Variants in OR5AS1 observed in about 807,000 individuals in gnomAD.
OR5AS1 encodes the protein olfactory receptor family 5 subfamily AS member 1, also known as olfactory receptor 5AS1.
For missense variants in OR5AS1, 492 were observed against 378.2 expected (o/e 1.30, Z -2.50); for synonymous variants, 196 against 141.7 (o/e 1.38, Z -2.72).
In OR5AS1 at chr11:56,031,642, C is replaced by T. The variant is rs868406474; in HGVS notation, c.*249C>T. Reference sequence around the variant, plus strand: ...CTTTGTACATTGATTCTGTTCTTTACGATGTTGTATTGAAGGTAAATATTG... The same window carrying T: ...CTTTGTACATTGATTCTGTTCTTTATGATGTTGTATTGAAGGTAAATATTG... On this transcript the variant is annotated 3_prime_UTR_variant, in exon 2 of 2. Transcript: ENST00000641320. 3.8e-5 allele frequency: 11 copies of T among 292,784 alleles called. No homozygotes were observed. Among genetic ancestry groups the T allele is most frequent in the Middle Eastern group, 1.1e-3 (1 of 934 alleles). 18.1% of individuals were successfully genotyped at this position (292,784 alleles called of 1,614,324 possible).
Position 56,031,238 on chromosome 11 carries a change from G to A in OR5AS1, c.820G>A (p.Val274Met), listed in dbSNP as rs1328324906. 2 of 1,613,672 alleles carry A rather than the reference G, an allele frequency of 1.2e-6. No individual in the cohort carries two copies. The highest frequency in any genetic ancestry group is 2.7e-5 in the African/African-American group (2 of 74,932). ...CTATTCCCTAGACACTGATAAGGTG[G>A]TGGCAGTGTTTTATACTGTTGTATT... ...TSYSLDTDKV[V>M]AVFYTVVFPM... The change falls in exon 2 of 2, where the codon GTG (valine) becomes ATG (methionine). Residue 274 changes from valine to methionine, a missense_variant. Coordinates refer to ENST00000641320, the MANE Select transcript of OR5AS1 (RefSeq NM_001001921.2).
Position 56,030,457 on chromosome 11 carries a change from A to C in OR5AS1, c.39A>C (p.Leu13=). The change falls in exon 2 of 2, where the codon CTA becomes CTC. Residue 13 remains leucine (L), a synonymous_variant. Transcript: ENST00000641320. ...ATTACACCATGCCAACTGAGTTCCT[A>C]TTTGTTGGATTCACAGATTATCTAC... ...ESNYTMPTEF[L]FVGFTDYLPL... is the part of the protein sequence containing the mutation. 1 of 1,494,672 alleles carries C rather than the reference A, an allele frequency of 6.7e-7. No homozygotes were observed. 92.6% of individuals were successfully genotyped at this position (1,494,672 alleles called of 1,614,324 possible).
Position 56,034,304 on chromosome 11 carries a change from C to T in OR5AS1, c.*2911C>T, listed in dbSNP as rs1049628181. The T allele has an allele frequency of 2.7e-5, 4 of 150,864 alleles. No individual in the cohort carries two copies. Among genetic ancestry groups the T allele is most frequent in the Admixed American group, 1.3e-4 (2 of 15,160 alleles). 9.3% of individuals were successfully genotyped at this position (150,864 alleles called of 1,614,324 possible). A position where few individuals can be genotyped will look rare whatever the true frequency, so the allele number is the denominator to read the frequency against. On this transcript the variant is annotated 3_prime_UTR_variant, in exon 2 of 2. Transcript: ENST00000641320. ...AACAAATAGAAGAATTGGGTAATAT[C>T]AAACTCCTCTGAGCTAAAGGAGCAT...
rs1259336841 is a variant in OR5AS1 at position 56,032,526 on chromosome 11, T to G, written c.*1133T>G. 4 of 152,128 alleles carry G rather than the reference T, an allele frequency of 2.6e-5. No homozygotes were observed. Among genetic ancestry groups the G allele is most frequent in the Non-Finnish European group, 5.9e-5 (4 of 68,034 alleles). The allele number at this position is 152,128 out of a possible 1,614,324, so 9.4% of individuals were successfully genotyped here. A position where few individuals can be genotyped will look rare whatever the true frequency, so the allele number is the denominator to read the frequency against. ...CATGTACATGTGAAATAAAAAAGTG[T>G]GCATTTTGTAATAATTATGAAAATA... On this transcript the variant is annotated 3_prime_UTR_variant, in exon 2 of 2. Transcript: ENST00000641320.
rs1468663693 is a variant in OR5AS1, at chr11:56,036,059, A to C, written c.*4666A>C. The stretch of plus-strand genomic sequence containing the variant: ...TGGGTAAATAATGAAAATAAAGCAG[A>C]AATAAATAAGTTATTTGAAACCAAT... On this transcript the variant is annotated 3_prime_UTR_variant, in exon 2 of 2. Coordinates refer to ENST00000641320, the MANE Select transcript of OR5AS1 (RefSeq NM_001001921.2). The C allele has an allele frequency of 6.6e-6, 1 of 152,152 alleles. No homozygotes were observed. Among genetic ancestry groups the C allele is most frequent in the East Asian group, 1.9e-4 (1 of 5,202 alleles). The allele number at this position is 152,152 out of a possible 1,614,324, so 9.4% of individuals were successfully genotyped here. A position where few individuals can be genotyped will look rare whatever the true frequency, so the allele number is the denominator to read the frequency against.
At position 56,030,938 on chromosome 11, in the gene OR5AS1, GTCAA is replaced by G. The variant is rs768230230; in HGVS notation, c.524_527del (p.Asn175IlefsTer38). ...GCTGTCATTTTGTGGCTCCAATATC[GTCAA>G]TCATTTTTTCTGTGATATCCCACCT... On this transcript the variant is annotated frameshift_variant, in exon 2 of 2. Transcript: ENST00000641320. LOFTEE classifies it low-confidence loss of function (END_TRUNC). 1.2e-6 allele frequency: 2 copies of G among 1,613,956 alleles called. No individual in the cohort carries two copies. Among genetic ancestry groups the G allele is most frequent in the South Asian group, 1.1e-5 (1 of 91,086 alleles).
chr11:56,037,394 T>C lies in OR5AS1; in HGVS notation c.*6001T>C, dbSNP rs1278351111. 6.6e-6 allele frequency: 1 copy of C among 152,128 alleles called. No individual in the cohort carries two copies. The highest frequency in any genetic ancestry group is 1.5e-5 in the Non-Finnish European group (1 of 68,048). 9.4% of individuals were successfully genotyped at this position (152,128 alleles called of 1,614,324 possible). On this transcript the variant is annotated 3_prime_UTR_variant, in exon 2 of 2. Transcript: ENST00000641320. ...GTCTCAGGCCAAAATCTCCTTAAGCTGATAAGCAACTTCAGCAAAATGTCA... is the reference window on the plus strand; with the variant it reads ...GTCTCAGGCCAAAATCTCCTTAAGCCGATAAGCAACTTCAGCAAAATGTCA...
rs938293150 is a variant in OR5AS1, at chr11:56,031,550, C to T, written c.*157C>T. 7.1e-6 allele frequency: 4 copies of T among 561,560 alleles called. No individual in the cohort carries two copies. Among genetic ancestry groups the T allele is most frequent in the Non-Finnish European group, 1.2e-5 (4 of 320,994 alleles). 34.8% of individuals were successfully genotyped at this position (561,560 alleles called of 1,614,324 possible). On this transcript the variant is annotated 3_prime_UTR_variant, in exon 2 of 2. Transcript: ENST00000641320. Reference sequence around the variant, plus strand: ...TTCCAAAAATGTTCTCTCCACAATTCTACTCTATAAAACATTACCTAATTA... The same window carrying T: ...TTCCAAAAATGTTCTCTCCACAATTTTACTCTATAAAACATTACCTAATTA...
rs61890011 is a variant in OR5AS1, at chr11:56,034,875, C to G, written c.*3482C>G. ...GTGTTAAGGACAGCCAGAGAGAAAG[C>G]TCACATTACCCACAAAGGGAAGCCC... is the stretch of plus-strand genomic sequence containing the variant. On this transcript the variant is annotated 3_prime_UTR_variant, in exon 2 of 2. Coordinates refer to ENST00000641320, the MANE Select transcript of OR5AS1 (RefSeq NM_001001921.2). The G allele has an allele frequency of 0.06, 9,162 of 152,124 alleles. 381 individuals carry two copies. Among genetic ancestry groups the G allele is most frequent in the Non-Finnish European group, 0.084 (5,724 of 68,002 alleles). 9.4% of individuals were successfully genotyped at this position (152,124 alleles called of 1,614,324 possible).
Position 56,037,750 on chromosome 11 carries a change from TAG to T in OR5AS1, c.*6359_*6360del, listed in dbSNP as rs1853423013. 2 of 5,668 alleles carry T rather than the reference TAG, an allele frequency of 3.5e-4. No individual in the cohort carries two copies. The highest frequency in any genetic ancestry group is 8.4e-4 in the Non-Finnish European group (2 of 2,374). 0.4% of individuals were successfully genotyped at this position (5,668 alleles called of 1,614,324 possible). A position where few individuals can be genotyped will look rare whatever the true frequency, so the allele number is the denominator to read the frequency against. ...CTATCATTGAATTTCTTCACAGAAT[TAG>T]AAAAAAAAAAAAACTACTTTAAATT... is the stretch of plus-strand genomic sequence containing the variant. On this transcript the variant is annotated 3_prime_UTR_variant, in exon 2 of 2. Coordinates refer to ENST00000641320, the MANE Select transcript of OR5AS1 (RefSeq NM_001001921.2).
rs935493465 is a variant in OR5AS1, at chr11:56,037,253, T to C, written c.*5860T>C. The C allele has an allele frequency of 6.6e-6, 1 of 152,204 alleles. No individual in the cohort carries two copies. The allele number at this position is 152,204 out of a possible 1,614,324, so 9.4% of individuals were successfully genotyped here. On this transcript the variant is annotated 3_prime_UTR_variant, in exon 2 of 2. Transcript: ENST00000641320. ...CTCCTATTCAACATAGTATTGAAAG[T>C]GCTGGCCAGGGCAATCAGGCAAGAT...
intron 1 of OR5AS1, among the ~76,000 whole-genome samples, chr11:56,029,574 CAAAT>C (rs1853327246): frequency 6.6e-6 from 1 of 151,120 alleles, no homozygotes; most frequent in Admixed American, 6.6e-5. Flanking sequence ...CAACAGAAAA[CAAAT>C]AATGCATCTA....
At position 56,033,007 on chromosome 11, in the gene OR5AS1, C is replaced by T. The variant is rs117880187; in HGVS notation, c.*1614C>T. ...AAGCAGGGTGGGGTGTTGCTTCACC[C>T]GGGAAGCACAAAGGGTTGGCAAACT... On this transcript the variant is annotated 3_prime_UTR_variant, in exon 2 of 2. Transcript: ENST00000641320. 0.06 allele frequency: 9,190 copies of T among 152,740 alleles called. 381 individuals carry two copies. Among genetic ancestry groups the T allele is most frequent in the Non-Finnish European group, 0.084 (5,753 of 68,538 alleles). 9.5% of individuals were successfully genotyped at this position (152,740 alleles called of 1,614,324 possible). A position where few individuals can be genotyped will look rare whatever the true frequency, so the allele number is the denominator to read the frequency against.
In OR5AS1 at chr11:56,030,898, G is replaced by A. The variant is rs762323326; in HGVS notation, c.480G>A (p.Val160=). 11 of 1,613,954 alleles carry A rather than the reference G, an allele frequency of 6.8e-6. No individual in the cohort carries two copies. Among genetic ancestry groups the A allele is most frequent in the Non-Finnish European group, 9.3e-6 (11 of 1,180,016 alleles). The part of the protein sequence containing the change: ...FSGSTTSLVH[V]CLTFRLSFCG... ...GAAGTACAACATCACTGGTCCATGT[G>A]TGCCTCACATTCAGGCTGTCATTTT... Residue 160 remains valine, a synonymous_variant, in exon 2 of 2, where the codon GTG becomes GTA. Coordinates refer to ENST00000641320, the MANE Select transcript of OR5AS1 (RefSeq NM_001001921.2).
rs955016790 is a variant in OR5AS1, at chr11:56,036,439, A to T, written c.*5046A>T. 6.6e-6 allele frequency: 1 copy of T among 152,164 alleles called. No individual in the cohort carries two copies. The highest frequency in any genetic ancestry group is 2.4e-5 in the African/African-American group (1 of 41,400). 9.4% of individuals were successfully genotyped at this position (152,164 alleles called of 1,614,324 possible). A position where few individuals can be genotyped will look rare whatever the true frequency, so the allele number is the denominator to read the frequency against. ...AATCAAATAGACACAATAAAAAATT[A>T]TAAAGGGGATATCACCACTGTTCCC... On this transcript the variant is annotated 3_prime_UTR_variant, in exon 2 of 2. Transcript: ENST00000641320.
Position 56,035,567 on chromosome 11 carries a change from T to A in OR5AS1, c.*4174T>A, listed in dbSNP as rs1364024722. Reference sequence around the variant, plus strand: ...AAGGCAATACATAATGGTAAAAGGATCAATGCAACAAGAAGAGCTAACTAT... The same window carrying A: ...AAGGCAATACATAATGGTAAAAGGAACAATGCAACAAGAAGAGCTAACTAT... On this transcript the variant is annotated 3_prime_UTR_variant, in exon 2 of 2. Transcript: ENST00000641320. 1 of 151,784 alleles carries A rather than the reference T, an allele frequency of 6.6e-6. No homozygotes were observed. The highest frequency in any genetic ancestry group is 2.4e-5 in the African/African-American group (1 of 41,238). The allele number at this position is 151,784 out of a possible 1,614,324, so 9.4% of individuals were successfully genotyped here. A position where few individuals can be genotyped will look rare whatever the true frequency, so the allele number is the denominator to read the frequency against.
rs200278671 is a variant in OR5AS1, at chr11:56,030,930, C to A, written c.512C>A (p.Ser171Tyr). Reference sequence around the variant, plus strand: ...ACATTCAGGCTGTCATTTTGTGGCTCCAATATCGTCAATCATTTTTTCTGT... The same window carrying A: ...ACATTCAGGCTGTCATTTTGTGGCTACAATATCGTCAATCATTTTTTCTGT... ...CLTFRLSFCG[S>Y]NIVNHFFCDI... Residue 171 changes from serine (S) to tyrosine (Y), a missense_variant, in exon 2 of 2, where the codon TCC becomes TAC. Ser to Tyr is a moderately radical substitution (Grantham distance 144). Transcript: ENST00000641320. 1 of 1,613,994 alleles carries A rather than the reference C, an allele frequency of 6.2e-7. No homozygotes were observed. Among genetic ancestry groups the A allele is most frequent in the South Asian group, 1.1e-5 (1 of 91,088 alleles).
At position 56,031,057 on chromosome 11, in the gene OR5AS1, A is replaced by G. The variant is rs17528803; in HGVS notation, c.639A>G (p.Val213=). The G allele has an allele frequency of 3.1e-6, 5 of 1,613,934 alleles. No individual in the cohort carries two copies. The highest frequency in any genetic ancestry group is 3.4e-6 in the Non-Finnish European group (4 of 1,180,008). ...TCATCCAGACCAGCACTTTTGTGGTAATATTTATTTCTTACTTCTGCATCC... is the reference window on the plus strand; with the variant it reads ...TCATCCAGACCAGCACTTTTGTGGTGATATTTATTTCTTACTTCTGCATCC... ...CSFIQTSTFV[V]IFISYFCILI... The change falls in exon 2 of 2, where the codon GTA becomes GTG. Residue 213 remains valine, a synonymous_variant. Coordinates refer to ENST00000641320, the MANE Select transcript of OR5AS1 (RefSeq NM_001001921.2).
In OR5AS1 at chr11:56,030,894, A is replaced by C. The variant is rs767077164; in HGVS notation, c.476A>C (p.His159Pro). The C allele has an allele frequency of 6.2e-7, 1 of 1,614,102 alleles. No homozygotes were observed. The highest frequency in any genetic ancestry group is 1.7e-5 in the Admixed American group (1 of 60,028). Reference protein sequence around the residue: ...YFSGSTTSLVHVCLTFRLSFC... With the variant: ...YFSGSTTSLVPVCLTFRLSFC... ...AGTGGAAGTACAACATCACTGGTCCATGTGTGCCTCACATTCAGGCTGTCA... is the reference window on the plus strand; with the variant it reads ...AGTGGAAGTACAACATCACTGGTCCCTGTGTGCCTCACATTCAGGCTGTCA... The change falls in exon 2 of 2, where the codon CAT (histidine) becomes CCT (proline). Residue 159 changes from histidine to proline, a missense_variant. Coordinates refer to ENST00000641320, the MANE Select transcript of OR5AS1 (RefSeq NM_001001921.2).
Sources: gnomAD v4.1 joint callset for allele counts (sites outside exome capture counted in the v4.1 genomes callset) on GRCh38, gnomAD v4.1.1 for gene constraint, MANE v1.5 for transcripts, NCBI Gene and HGNC (gene_info 2026-07-23, HGNC 2026-07-21) for gene names.